Variants in PTH2R observed in about 807,000 individuals in gnomAD.
PTH2R encodes the protein PTH2 receptor.
A neutral mutation model predicts 60.3 loss-of-function variants in PTH2R; 59 were observed. The ratio of observed to expected loss-of-function variants is 0.98; its 90% CI spans 0.79 to 1.22. PTH2R has a LOEUF of 1.22. Ranked by LOEUF, PTH2R falls within the 50% of genes most tolerant of loss-of-function variation. The probability of loss-of-function intolerance (pLI) is 0.00; values close to 1 mark genes in which losing one functional copy is unlikely to be tolerated. For missense variants in PTH2R, 749 were observed against 682.6 expected, an observed-to-expected ratio of 1.10 and a Z score of -1.08; for synonymous variants, 256 against 243.8, an observed-to-expected ratio of 1.05 and a Z score of -0.47.
intron 6 of PTH2R, among the ~76,000 whole-genome samples, chr2:208,443,881 A>G (rs1702236944): frequency 1.3e-5 from 2 of 152,206 alleles, no homozygotes; most frequent in Admixed American, 1.3e-4. Flanking sequence ...AGAAGCTTGC[A>G]ATTTAAAAGC....
intron 10 of PTH2R, among the ~76,000 whole-genome samples, chr2:208,488,033 A>C (rs1389839929): frequency 6.6e-6 from 1 of 152,236 alleles, no homozygotes; most frequent in Non-Finnish European, 1.5e-5. Flanking sequence ...AACAGGGGCA[A>C]AAATAGCAGG....
intron 1 of PTH2R, among the ~76,000 whole-genome samples, chr2:208,363,893 A>T (rs926810667): frequency 1.3e-5 from 2 of 151,888 alleles, no homozygotes; most frequent in African/African-American, 4.8e-5. Flanking sequence ...TTTAAGTTTC[A>T]TGTAGATTCT....
chr2:208,474,901 G>C (rs1702966194), intron 9 of PTH2R, among the ~76,000 whole-genome samples: 1 of 152,158 alleles, frequency 6.6e-6, no homozygotes, highest in South Asian at 2.1e-4. Flanking sequence ...CTGTACTCTT[G>C]ATGCAACCTT....
At chr2:208,486,731 C>A (rs1419359910) in intron 10 of PTH2R, among the ~76,000 whole-genome samples, 1 of 152,170 alleles carries the variant, frequency 6.6e-6, no homozygotes, top group African/African-American at 2.4e-5. Flanking sequence ...GGGAAGGGGG[C>A]ACTCACCATC....
intron 9 of PTH2R, among the ~76,000 whole-genome samples, chr2:208,471,652 C>T (rs1702883276): frequency 6.6e-6 from 1 of 152,258 alleles, no homozygotes; most frequent in African/African-American, 2.4e-5. Context: ...CATGGAGAAC[C>T]TCTGCCAGGG....
intron 1 of PTH2R, among the ~76,000 whole-genome samples, chr2:208,362,388 T>C (rs1700492253): frequency 6.6e-6 from 1 of 152,220 alleles, no homozygotes; most frequent in African/African-American, 2.4e-5. Flanking sequence ...ATCAATCCCA[T>C]AGATAAATAG....
In PTH2R at chr2:208,411,067, G is replaced by A. The variant is rs188674645; in HGVS notation, c.75+3949G>A. On this transcript the variant is annotated intron_variant, in intron 1 of 12. Transcript: ENST00000272847. ...TCGAGACCAGCCTGGCCGACATGGTGAAACACCGTCTCTACTAAAAATACA... is the reference window on the plus strand; with the variant it reads ...TCGAGACCAGCCTGGCCGACATGGTAAAACACCGTCTCTACTAAAAATACA... Among the ~76,000 whole-genome samples, 6 of 152,270 alleles carry A rather than the reference G, an allele frequency of 3.9e-5. 1 individual carries two copies. The East Asian group carries it at 1.2e-3, about 29-fold the overall frequency.
At chr2:208,378,135 C>T (rs1700842029) in intron 1 of PTH2R, among the ~76,000 whole-genome samples, 1 of 152,024 alleles carries the variant, frequency 6.6e-6, no homozygotes, top group Non-Finnish European at 1.5e-5. Context: ...CCTCGGGAGG[C>T]CGAGGCTGGC....
intron 1 of PTH2R, among the ~76,000 whole-genome samples, chr2:208,408,740 A>AGAGAGAGAGAGAG (rs1553542827): frequency 1.3e-4 from 16 of 123,354 alleles, no homozygotes; most frequent in African/African-American, 6.3e-4. Context: ...GAGAGAGAGA[A>AGAGAGAGAGAGAG]AGAGAGAGAG....
intron 9 of PTH2R, among the ~76,000 whole-genome samples, chr2:208,472,499 A>G (rs970190237): frequency 1.3e-5 from 2 of 152,154 alleles, no homozygotes; most frequent in Non-Finnish European, 2.9e-5. Flanking sequence ...CATTCTCATG[A>G]TAGTGAATAA....
chr2:208,369,989 G>A (rs936314695), intron 1 of PTH2R, among the ~76,000 whole-genome samples: 4 of 152,184 alleles, frequency 2.6e-5, no homozygotes, highest in Admixed American at 2.6e-4. Flanking sequence ...AGACTGGGAA[G>A]CCTGCCATTT....
intron 1 of PTH2R, among the ~76,000 whole-genome samples, chr2:208,401,241 C>T (rs1006158700): frequency 6.6e-6 from 1 of 152,200 alleles, no homozygotes; most frequent in Middle Eastern, 3.4e-3. Flanking sequence ...TTACCTGAGC[C>T]CCACTCTCCA....
chr2:208,380,827 T>C (rs1700899931), intron 1 of PTH2R, among the ~76,000 whole-genome samples: 1 of 152,096 alleles, frequency 6.6e-6, no homozygotes, highest in Non-Finnish European at 1.5e-5. Flanking sequence ...AAGCCACCAC[T>C]CCAGTACTGA....
chr2:208,402,684 G>A (rs546074844), upstream of PTH2R, among the ~76,000 whole-genome samples: 6 of 152,234 alleles, frequency 3.9e-5, no homozygotes, highest in South Asian at 1.0e-3. Context: ...ATATGCCTTC[G>A]TGTGCTGAAA....
At chr2:208,445,747 T>C (rs1702276296) in intron 7 of PTH2R, among the ~76,000 whole-genome samples, 1 of 152,194 alleles carries the variant, frequency 6.6e-6, no homozygotes, top group African/African-American at 2.4e-5. Context: ...ACTTTTTTTC[T>C]TAACAACTGA....
chr2:208,393,232 C>A (rs1701141650), intron 1 of PTH2R, among the ~76,000 whole-genome samples: 1 of 152,132 alleles, frequency 6.6e-6, no homozygotes, highest in Non-Finnish European at 1.5e-5. Flanking sequence ...CTGTAGCTTC[C>A]TTCTAATGTG....
At chr2:208,451,758 A>G (rs1702412058) in intron 8 of PTH2R, among the ~76,000 whole-genome samples, 1 of 152,218 alleles carries the variant, frequency 6.6e-6, no homozygotes, top group Non-Finnish European at 1.5e-5. Context: ...TCTTCCAGGT[A>G]GCATGGAGCT....
At chr2:208,383,254 G>A (rs1700948195) in intron 1 of PTH2R, among the ~76,000 whole-genome samples, 1 of 152,132 alleles carries the variant, frequency 6.6e-6, no homozygotes, top group African/African-American at 2.4e-5. Context: ...TTTATTATTT[G>A]TTCAGAATAT....
chr2:208,461,290 GA>G (rs1201263620), intron 9 of PTH2R, among the ~76,000 whole-genome samples: 4 of 151,856 alleles, frequency 2.6e-5, no homozygotes, highest in East Asian at 1.9e-4. Context: ...TTAATTTAGT[GA>G]AAAAAATCCT....
Sources: gnomAD v4.1 joint callset for allele counts (sites outside exome capture counted in the v4.1 genomes callset) on GRCh38, gnomAD v4.1.1 for gene constraint, MANE v1.5 for transcripts, NCBI Gene and HGNC (gene_info 2026-07-23, HGNC 2026-07-21) for gene names.